ACOXL: variants seen among roughly 807,000 people sequenced by gnomAD.
The protein encoded by ACOXL is acyl-coenzyme A oxidase-like protein.
A neutral mutation model predicts 71.9 loss-of-function variants in ACOXL; 70 were observed. That is an observed-to-expected ratio of 0.97 (90% CI 0.80 to 1.19). The LOEUF (loss-of-function observed/expected upper bound fraction) is 1.19. ACOXL is among the 50% of genes most tolerant of loss of function. The probability of loss-of-function intolerance (pLI) is 0.00; values close to 1 mark genes in which losing one functional copy is unlikely to be tolerated. For missense variants in ACOXL, 703 were observed against 736.3 expected, an observed-to-expected ratio of 0.95 and a Z score of 0.52; for synonymous variants, 253 against 281.6, an observed-to-expected ratio of 0.90 and a Z score of 1.02.
chr2:110,884,212 G>T (rs1221500357), intron 10 of ACOXL, among the ~76,000 whole-genome samples: 1 of 152,204 alleles, frequency 6.6e-6, no homozygotes, highest in Non-Finnish European at 1.5e-5. Context: ...CGAACAAAGA[G>T]AAGCAGTTGT....
intron 12 of ACOXL, among the ~76,000 whole-genome samples, chr2:110,962,074 A>T (rs1286795540): frequency 1.3e-5 from 2 of 152,252 alleles, no homozygotes; most frequent in African/African-American, 4.8e-5. Context: ...ATTCAAGAAC[A>T]TTCCAACACA....
intron 10 of ACOXL, among the ~76,000 whole-genome samples, chr2:110,889,048 C>T (rs377446522): frequency 6.6e-6 from 1 of 152,328 alleles, no homozygotes; most frequent in East Asian, 1.9e-4. Flanking sequence ...ATACCTTCTG[C>T]ATGGAGTGTT....
chr2:110,886,908 GC>G, intron 10 of ACOXL: 2 of 1,527,644 alleles, frequency 1.3e-6, no homozygotes, highest in African/African-American at 2.9e-5. Flanking sequence ...CGTGAAATCA[GC>G]CACTTAACTG....
intron 12 of ACOXL, among the ~76,000 whole-genome samples, chr2:110,979,113 G>C (rs113922811): frequency 6.6e-6 from 1 of 152,130 alleles, no homozygotes; most frequent in Admixed American, 6.6e-5. Context: ...CCGGCCCTGC[G>C]CTAGGGAAGG....
In ACOXL at chr2:111,068,644, G is replaced by T. The variant is rs181593702; in HGVS notation, c.1440+19356G>T. Among the ~76,000 whole-genome samples the T allele has an allele frequency of 2.1e-3, 320 of 152,340 alleles. 1 individual carries two copies. Among genetic ancestry groups the T allele is most frequent in the African/African-American group, 7.4e-3 (306 of 41,574 alleles). ...TTCAAGTTATTACTGGATGGGCTAT[G>T]CTCAACAGGTTTTTCCAGTTCTGCC... is the stretch of plus-strand genomic sequence containing the variant. On this transcript the variant is annotated intron_variant, in intron 16 of 17. Coordinates refer to ENST00000439055, the MANE Select transcript of ACOXL (RefSeq NM_001142807.4).
intron 14 of ACOXL, among the ~76,000 whole-genome samples, 189 bp from the exon 15 acceptor site, chr2:111,031,438 A>G (rs1221589016): frequency 6.6e-6 from 1 of 152,144 alleles, no homozygotes; most frequent in Admixed American, 6.5e-5. Flanking sequence ...GGGCTTCTCT[A>G]CATGTATGAT....
rs776875130 is a variant in ACOXL at position 110,805,272 on chromosome 2, C to G, written c.630C>G (p.Ser210=). 3.7e-6 allele frequency: 6 copies of G among 1,614,004 alleles called. No individual in the cohort carries two copies. Among genetic ancestry groups the G allele is most frequent in the Non-Finnish European group, 5.1e-6 (6 of 1,180,006 alleles). ...PRENLLDKFG[S]VAPDGQYHSP... is the part of the protein sequence containing the mutation. Reference sequence around the variant, plus strand: ...CCTCTCTTTTCCACAGGTTTGGTTCCGTGGCTCCAGATGGACAGTACCATT... The same window carrying G: ...CCTCTCTTTTCCACAGGTTTGGTTCGGTGGCTCCAGATGGACAGTACCATT... The change falls in exon 9 of 18, where the codon TCC becomes TCG. Residue 210 remains serine, a synonymous_variant. Coordinates refer to ENST00000439055, the MANE Select transcript of ACOXL (RefSeq NM_001142807.4).
intron 12 of ACOXL, among the ~76,000 whole-genome samples, 163 bp from the exon 13 acceptor site, chr2:110,986,945 A>G (rs1485169117): frequency 6.6e-6 from 1 of 152,082 alleles, no homozygotes; most frequent in Non-Finnish European, 1.5e-5. Context: ...AATGCCCCAC[A>G]TTTGCCTTGG....
intron 15 of ACOXL, among the ~76,000 whole-genome samples, chr2:111,048,982 G>C (rs1044881174): frequency 1.3e-5 from 2 of 152,188 alleles, no homozygotes; most frequent in East Asian, 3.9e-4. Context: ...GAGGAGCTTT[G>C]CTGATGGGAA....
chr2:110,959,015 G>A (rs575045564), intron 12 of ACOXL, among the ~76,000 whole-genome samples: 15 of 152,350 alleles, frequency 9.8e-5, no homozygotes, highest in Non-Finnish European at 1.5e-5. Context: ...GCCCCTCCAG[G>A]CAGATGAGAC....
chr2:110,815,021 A>G (rs559912162), intron 9 of ACOXL, among the ~76,000 whole-genome samples: 2 of 152,302 alleles, frequency 1.3e-5, no homozygotes, highest in Admixed American at 6.5e-5. Context: ...TAATTTGTAA[A>G]GAAAGGTTTA....
At chr2:111,024,968 C>T (rs62163295) in intron 14 of ACOXL, among the ~76,000 whole-genome samples, 5,383 of 151,412 alleles carry the variant, frequency 0.036, 129 homozygotes, top group Non-Finnish European at 0.052. Context: ...GTACAACTAA[C>T]CAGTTTTGAC....
intron 12 of ACOXL, among the ~76,000 whole-genome samples, chr2:110,945,958 A>AT (rs1250292982): frequency 4.6e-5 from 7 of 152,138 alleles, no homozygotes; most frequent in African/African-American, 1.7e-4. Context: ...TTTTAACACT[A>AT]TCAATTCTTT....
intron 12 of ACOXL, among the ~76,000 whole-genome samples, chr2:110,952,971 G>A (rs1231032329): frequency 6.6e-5 from 10 of 151,974 alleles, no homozygotes; most frequent in Admixed American, 5.9e-4. Flanking sequence ...GACTTTATTT[G>A]ACCTATGAAT....
chr2:110,838,224 G>A (rs1305403916), intron 9 of ACOXL, among the ~76,000 whole-genome samples: 1 of 152,220 alleles, frequency 6.6e-6, no homozygotes, highest in Non-Finnish European at 1.5e-5. Flanking sequence ...CTAAAAGACT[G>A]CATGTGTGCG....
intron 14 of ACOXL, among the ~76,000 whole-genome samples, chr2:111,004,917 A>G (rs2063802763): frequency 6.6e-6 from 1 of 152,218 alleles, no homozygotes; most frequent in South Asian, 2.1e-4. Context: ...GATGTTTTAC[A>G]ACAATCTCAT....
chr2:110,743,522 G>C (rs544451366), intron 1 of ACOXL, among the ~76,000 whole-genome samples: 1 of 152,102 alleles, frequency 6.6e-6, no homozygotes, highest in Non-Finnish European at 1.5e-5. Flanking sequence ...AAGGGTGCAA[G>C]GGTTTGGAAA....
chr2:110,852,875 C>T lies in ACOXL; in HGVS notation c.788+11470C>T, dbSNP rs549075370. Among the ~76,000 whole-genome samples, 9 of 152,276 alleles carry T rather than the reference C, an allele frequency of 5.9e-5. No homozygotes were observed. The South Asian group carries it at 1.5e-3, about 25-fold the overall frequency. On this transcript the variant is annotated intron_variant, in intron 10 of 17. Transcript: ENST00000439055. Reference sequence around the variant, plus strand: ...CTTTCATGAGGCAGACTTGACTGCTCGTCCAAGTGCTCTATTCTGTTGTAT... The same window carrying T: ...CTTTCATGAGGCAGACTTGACTGCTTGTCCAAGTGCTCTATTCTGTTGTAT...
At chr2:111,091,904 A>G (rs2068544070) in intron 16 of ACOXL, among the ~76,000 whole-genome samples, 1 of 152,134 alleles carries the variant, frequency 6.6e-6, no homozygotes, top group African/African-American at 2.4e-5. Flanking sequence ...ACTGTGAACC[A>G]CATGACTGTG....
Sources: allele counts gnomAD v4.1 joint callset (sites outside exome capture counted in the v4.1 genomes callset), GRCh38; gene constraint gnomAD v4.1.1; transcripts MANE v1.5; gene names NCBI Gene and HGNC (gene_info 2026-07-23, HGNC 2026-07-21).